ABCA7: variants seen among roughly 807,000 people sequenced by gnomAD.
ABCA7 encodes the protein phospholipid-transporting ATPase ABCA7.
ABCA7 carries 261 observed loss-of-function variants against 227.6 expected under a neutral mutation model. The observed-to-expected ratio is 1.15, with a 90% CI of 1.04 to 1.27. The LOEUF (loss-of-function observed/expected upper bound fraction) is 1.27, where lower values mean the gene tolerates loss of function less well. Ranked by LOEUF, ABCA7 falls within the 50% of genes most tolerant of loss-of-function variation. ABCA7 has a pLI of 0.00. For missense variants in ABCA7, 3,331 were observed against 2,924.5 expected (o/e 1.14, Z -3.21); for synonymous variants, 1,488 against 1,279.7 (o/e 1.16, Z -3.47).
intron 21 of ABCA7, among the ~76,000 whole-genome samples, 166 bp downstream of exon 21, chr19:1,051,752 A>G (rs3764651): frequency 0.51 from 77,383 of 151,764 alleles, 20,627 homozygotes; most frequent in African/African-American, 0.67. Flanking sequence ...AGAGTTGGGG[A>G]TAGACAGAGG....
At position 1,054,686 on chromosome 19, in the gene ABCA7, C is replaced by T. The variant is rs1473081325; in HGVS notation, c.3843C>T (p.Ser1281=). 6.2e-7 allele frequency: 1 copy of T among 1,612,714 alleles called. No homozygotes were observed. ...LSPTMYGAQV[S]FFSEDAPGDP... ...CCACCATGTACGGTGCTCAGGTGTC[C>T]TTCTTCAGGTGGGTGCAGAAGGAAG... Residue 1281 remains serine (S), a synonymous_variant, in exon 28 of 47, where the codon TCC becomes TCT. Coordinates refer to ENST00000263094, the MANE Select transcript of ABCA7 (RefSeq NM_019112.4). The surrounding 1 kb of genome is among the most constrained non-coding windows in gnomAD (Gnocchi z 4.8).
In ABCA7 at chr19:1,060,207, A is replaced by ATTT. The variant is rs201967062; in HGVS notation, c.5463+1129_5463+1131dup. ...AGCACACATTGCAGTATATATATAT[A>ATTT]TTTTTTTTTCTTTTTTTTTCTTTTG... On this transcript the variant is annotated intron_variant, in intron 40 of 46. Transcript: ENST00000263094. Among the ~76,000 whole-genome samples the ATTT allele has an allele frequency of 6.8e-3, 661 of 96,862 alleles. 27 individuals carry two copies. The highest frequency in any genetic ancestry group is 0.017 in the African/African-American group (475 of 28,762). The allele number at this position is 96,862 out of a possible 152,430, so 63.5% of individuals were successfully genotyped here.
At chr19:1,058,369 G>C in intron 37 of ABCA7, 100 bp downstream of exon 37, 1 of 1,515,492 alleles carries the variant, frequency 6.6e-7, no homozygotes, top group African/African-American at 1.4e-5. Flanking sequence ...GCCCCCCAGG[G>C]AGACAGCCAG....
In ABCA7 at chr19:1,043,021, G is replaced by A. The variant is rs375413755; in HGVS notation, c.580-20G>A. 6.4e-5 allele frequency: 101 copies of A among 1,581,968 alleles called. No homozygotes were observed. Among genetic ancestry groups the A allele is most frequent in the Middle Eastern group, 3.8e-4 (2 of 5,318 alleles). Reference sequence around the variant, plus strand: ...TGGAGGTGGGATCATTGCCAGCTCCGTCTGGTAACCTCTCTCTAGCTCCTG... The same window carrying A: ...TGGAGGTGGGATCATTGCCAGCTCCATCTGGTAACCTCTCTCTAGCTCCTG... On this transcript the variant is annotated intron_variant, in intron 7 of 46. Coordinates refer to ENST00000263094, the MANE Select transcript of ABCA7 (RefSeq NM_019112.4).
chr19:1,063,882 C>A lies in ABCA7; in HGVS notation c.5951+19C>A. 6.6e-7 allele frequency: 1 copy of A among 1,515,898 alleles called. No individual in the cohort carries two copies. The allele number at this position is 1,515,898 out of a possible 1,614,324, so 93.9% of individuals were successfully genotyped here. A position where few individuals can be genotyped will look rare whatever the true frequency, so the allele number is the denominator to read the frequency against. ...CCCATAGGTGGGCCGGGCTCTGATG[C>A]CCTGGGCTGTGGTTAAGGTGATCCA... On this transcript the variant is annotated intron_variant, in intron 44 of 46. Coordinates refer to ENST00000263094, the MANE Select transcript of ABCA7 (RefSeq NM_019112.4).
rs377353003 is a variant in ABCA7 at position 1,048,964 on chromosome 19, C to T, written c.2339C>T (p.Pro780Leu). ...RRSYWCGPRP[P>L]KSPAPCPTPL... ...AGCTACTGGTGCGGACCTCGGCCCC[C>T]CAAGAGTCCAGCCCCTTGCCCCACC... Residue 780 changes from proline (P) to leucine (L), a missense_variant, in exon 17 of 47, where the codon CCC becomes CTC. Pro to Leu is a moderately conservative substitution (Grantham distance 98, BLOSUM62 -3). Coordinates refer to ENST00000263094, the MANE Select transcript of ABCA7 (RefSeq NM_019112.4). 1 of 1,608,882 alleles carries T rather than the reference C, an allele frequency of 6.2e-7. No homozygotes were observed. The highest frequency in any genetic ancestry group is 8.5e-7 in the Non-Finnish European group (1 of 1,178,136).
Position 1,050,952 on chromosome 19 carries a change from G to A in ABCA7, c.2584G>A (p.Gly862Ser). ...SILSGLFPPS[G>S]GSAFILGHDV... ...CTTGAGTGGCCTCTTCCCACCCAGT[G>A]GTGGCTCTGCCTTCATCCTGGGCCA... The change falls in exon 19 of 47, where the codon GGT becomes AGT. Residue 862 changes from glycine to serine, a missense_variant. Coordinates refer to ENST00000263094, the MANE Select transcript of ABCA7 (RefSeq NM_019112.4). The A allele has an allele frequency of 1.2e-6, 2 of 1,611,428 alleles. No homozygotes were observed. The highest frequency in any genetic ancestry group is 1.3e-5 in the African/African-American group (1 of 75,024).
At chr19:1,050,567 T>G (rs940653186) in intron 18 of ABCA7, among the ~76,000 whole-genome samples, 1 of 151,522 alleles carries the variant, frequency 6.6e-6, no homozygotes, top group Non-Finnish European at 1.5e-5. Context: ...GTCAGGAGAT[T>G]GAGATCATCC....
intron 21 of ABCA7, 128 bp from the exon 22 acceptor site, chr19:1,051,814 C>T: frequency 7.5e-7 from 1 of 1,325,382 alleles, no homozygotes; most frequent in Non-Finnish European, 1.0e-6. Context: ...CAAGGAGGTT[C>T]TGGGGATGAG....
chr19:1,059,078 CT>C lies in ABCA7; in HGVS notation c.5457del (p.Gly1820ValfsTer9). 1 of 1,613,102 alleles carries C rather than the reference CT, an allele frequency of 6.2e-7. No individual in the cohort carries two copies. Among genetic ancestry groups the C allele is most frequent in the Non-Finnish European group, 8.5e-7 (1 of 1,179,844 alleles). On this transcript the variant is annotated frameshift_variant, in exon 40 of 47. Transcript: ENST00000263094. LOFTEE classifies it high-confidence loss of function. ...GACCGCTTGTGCCTGGGGATTCCCC[CT>C]GGTGAGGTGAGTCCAGGGGTGGAGG... The part of the protein sequence containing the change: ...AVDRLCLGIP[P>X]GECFGLLGVN...
intron 30 of ABCA7, among the ~76,000 whole-genome samples, chr19:1,055,597 G>A (rs1385368286): frequency 7.0e-6 from 1 of 143,564 alleles, no homozygotes; most frequent in Non-Finnish European, 1.5e-5. Flanking sequence ...CCACCTCCCA[G>A]TTTCAAGCGA....
intron 44 of ABCA7, 33 bp from the exon 45 acceptor site, chr19:1,064,128 C>A: frequency 1.3e-6 from 2 of 1,526,890 alleles, no homozygotes; most frequent in Non-Finnish European, 1.8e-6. Context: ...GTGGCCCCGG[C>A]CTCACGGAGC....
chr19:1,041,215 C>T lies in ABCA7; in HGVS notation c.-137-10C>T, dbSNP rs1438657092. The stretch of plus-strand genomic sequence containing the variant: ...TATCGAGTGACTACTGTTTGCCTCG[C>T]TCTAATCAGAGCTTCCAGGAACCCT... On this transcript the variant is annotated splice_polypyrimidine_tract_variant and intron_variant, in intron 1 of 46. Transcript: ENST00000263094. 1.2e-6 allele frequency: 1 copy of T among 838,416 alleles called. No individual in the cohort carries two copies. Among genetic ancestry groups the T allele is most frequent in the South Asian group, 1.4e-5 (1 of 70,178 alleles). 51.9% of individuals were successfully genotyped at this position (838,416 alleles called of 1,614,324 possible).
chr19:1,057,138 G>A (rs4147916), intron 34 of ABCA7, 54 bp downstream of exon 34: 67,591 of 1,582,168 alleles, frequency 0.043, 1,934 homozygotes, highest in East Asian at 0.15. Context: ...CCACTGCCCT[G>A]TCTGGCCCCT....
At chr19:1,055,802 T>G in intron 30 of ABCA7, 105 bp from the exon 31 acceptor site, 4 of 1,249,700 alleles carry the variant, frequency 3.2e-6, no homozygotes, top group Non-Finnish European at 4.4e-6. Flanking sequence ...GCGCCCGGCT[T>G]TCTTTCCTGT....
chr19:1,041,291 C>A lies in ABCA7; in HGVS notation c.-71C>A. 6.7e-7 allele frequency: 1 copy of A among 1,499,404 alleles called. No individual in the cohort carries two copies. Among genetic ancestry groups the A allele is most frequent in the Non-Finnish European group, 9.3e-7 (1 of 1,078,298 alleles). 92.9% of individuals were successfully genotyped at this position (1,499,404 alleles called of 1,614,324 possible). On this transcript the variant is annotated 5_prime_UTR_variant, in exon 2 of 47. Coordinates refer to ENST00000263094, the MANE Select transcript of ABCA7 (RefSeq NM_019112.4). ...TCAGAAAGGGGCAGGGAGTTGCCCG[C>A]AGCCGCACCGCACGTCTTCAGCCCG...
rs1035537977 is a variant in ABCA7, at chr19:1,055,278, G to A, written c.4132G>A (p.Val1378Met). 2 of 1,604,782 alleles carry A rather than the reference G, an allele frequency of 1.2e-6. No homozygotes were observed. The highest frequency in any genetic ancestry group is 2.2e-5 in the East Asian group (1 of 44,644). Residue 1378 changes from valine to methionine, a missense_variant, in exon 30 of 47, where the codon GTG becomes ATG. Val to Met is a conservative substitution (Grantham distance 21, BLOSUM62 1). Coordinates refer to ENST00000263094, the MANE Select transcript of ABCA7 (RefSeq NM_019112.4). ...PPQAVTGSGE[V>M]VQNLTGRNLS... ...CCAGGCAGTGACCGGCTCTGGGGAA[G>A]TGGTTCAGAACCTGACAGGCCGGAA... is the stretch of plus-strand genomic sequence containing the variant.
At chr19:1,057,502 A>G in intron 35 of ABCA7, 73 bp downstream of exon 35, 1 of 1,367,354 alleles carries the variant, frequency 7.3e-7, no homozygotes, top group South Asian at 1.2e-5. Flanking sequence ...CTGCTGAGAT[A>G]GAACTCTGCA....
At chr19:1,051,370 GTAC>G in intron 20 of ABCA7, 76 bp downstream of exon 20, 2 of 1,486,856 alleles carry the variant, frequency 1.3e-6, no homozygotes, top group South Asian at 1.2e-5. Context: ...GGGAAGCCGG[GTAC>G]TGAGGTCCAC....
Sources: allele counts gnomAD v4.1 joint callset (sites outside exome capture counted in the v4.1 genomes callset), GRCh38; gene constraint gnomAD v4.1.1; non-coding constraint Gnocchi (gnomAD v3.1); transcripts MANE v1.5; gene names NCBI Gene and HGNC (gene_info 2026-07-23, HGNC 2026-07-21).